The following ATP10B variants were observed in gnomAD, a reference collection of about 807,000 sequenced individuals.
The protein encoded by ATP10B is phospholipid-transporting ATPase VB.
In ATP10B, 122 loss-of-function variants were observed where a neutral mutation model predicts 141.2. The observed-to-expected ratio is 0.86, with a 90% CI of 0.75 to 1.00. ATP10B has a LOEUF of 1.00. Ranked by LOEUF, ATP10B falls within the 50% of genes least tolerant of loss-of-function variation. The pLI is 0.00. For synonymous variants in ATP10B, 685 were observed against 692.0 expected, an observed-to-expected ratio of 0.99 and a Z score of 0.16; for missense variants, 1,876 against 1,825.3, an observed-to-expected ratio of 1.03 and a Z score of -0.51.
At chr5:160,663,612 G>A (rs1762110192) in intron 7 of ATP10B, among the ~76,000 whole-genome samples, 1 of 152,132 alleles carries the variant, frequency 6.6e-6, no homozygotes, top group Non-Finnish European at 1.5e-5. Context: ...ACACAGGAAG[G>A]GGAACATCAC....
At chr5:160,841,073 T>C (rs1775781652) in intron 1 of ATP10B, among the ~76,000 whole-genome samples, 1 of 152,184 alleles carries the variant, frequency 6.6e-6, no homozygotes, top group Admixed American at 6.6e-5. Context: ...GTCTTTCATC[T>C]CAGCAGCCCA....
chr5:160,706,774 A>T (rs1193003555), intron 3 of ATP10B, among the ~76,000 whole-genome samples: 4 of 152,198 alleles, frequency 2.6e-5, no homozygotes, highest in African/African-American at 9.7e-5. Context: ...AATGAACTAA[A>T]CAACAGACTA....
In ATP10B at chr5:160,652,922, ATATAT is replaced by A. The variant is rs1449203799; in HGVS notation, c.676-3671_676-3667del. 1.7e-4 allele frequency among the ~76,000 whole-genome samples: 14 copies of A among 80,952 alleles called. No homozygotes were observed. The East Asian group carries it at 3.7e-3, about 21-fold the overall frequency. The allele number at this position is 80,952 out of a possible 152,430, so 53.1% of individuals were successfully genotyped here. A position where few individuals can be genotyped will look rare whatever the true frequency, so the allele number is the denominator to read the frequency against. On this transcript the variant is annotated intron_variant, in intron 7 of 25. Coordinates refer to ENST00000327245, the MANE Select transcript of ATP10B (RefSeq NM_025153.3). Reference sequence around the variant, plus strand: ...TATATTATATATACATGTATATATAATATATTATATATACATGTATATATAATATA... The same window carrying A: ...TATATTATATATACATGTATATATAATATATATACATGTATATATAATATA...
intron 3 of ATP10B, among the ~76,000 whole-genome samples, chr5:160,702,482 C>CA (rs1269443360): frequency 6.6e-6 from 1 of 152,210 alleles, no homozygotes; most frequent in Non-Finnish European, 1.5e-5. Flanking sequence ...ATGTAATTAA[C>CA]AATGTGTATG....
At chr5:160,768,786 T>C (rs1769669680) in intron 2 of ATP10B, among the ~76,000 whole-genome samples, 1 of 152,196 alleles carries the variant, frequency 6.6e-6, no homozygotes, top group Admixed American at 6.5e-5. Flanking sequence ...AGGAAGCTGA[T>C]GGGCATCAGG....
At chr5:160,826,169 ATACTCAGTAATGG>A (rs775902343) in intron 1 of ATP10B, among the ~76,000 whole-genome samples, 27 of 152,220 alleles carry the variant, frequency 1.8e-4, no homozygotes, top group Non-Finnish European at 3.4e-4. Context: ...CTTTGGGTAT[ATACTCAGTAATGG>A]TATTCCTGAG....
intron 1 of ATP10B, among the ~76,000 whole-genome samples, chr5:160,817,840 T>A (rs1198311114): frequency 6.6e-6 from 1 of 152,068 alleles, no homozygotes; most frequent in African/African-American, 2.4e-5. Flanking sequence ...TCAGAAATAA[T>A]GCCGCATATC....
At chr5:160,647,388 C>T (rs142553594) in intron 8 of ATP10B, among the ~76,000 whole-genome samples, 77 of 152,234 alleles carry the variant, frequency 5.1e-4, no homozygotes, top group Non-Finnish European at 9.0e-4. Context: ...TTAGCTACTC[C>T]GCAGTCCAAC....
intron 2 of ATP10B, among the ~76,000 whole-genome samples, chr5:160,760,874 A>G (rs1191336577): frequency 6.6e-6 from 1 of 150,792 alleles, no homozygotes; most frequent in Non-Finnish European, 1.5e-5. Context: ...GCCCTGCCCA[A>G]GGAGAGTCTG....
At chr5:160,863,729 T>A in the ATP10B span, among the ~76,000 whole-genome samples, 1 of 151,846 alleles carries the variant, frequency 6.6e-6, no homozygotes, top group African/African-American at 2.4e-5. Context: ...AGAGAGAAGA[T>A]CTGAATAAGC....
rs571435566 is a variant in ATP10B at position 160,598,757 on chromosome 5, C to G, written c.3564+13G>C. The G allele has an allele frequency of 1.9e-6, 3 of 1,613,448 alleles. No homozygotes were observed. The highest frequency in any genetic ancestry group is 2.7e-5 in the African/African-American group (2 of 74,990). The stretch of plus-strand genomic sequence containing the variant: ...GCTGAAGTCACCTCCCTTTGGCTGC[C>G]CGATCTCCTTACCTCAGAGTTCTGG... On this transcript the variant is annotated intron_variant, in intron 22 of 25. Coordinates refer to ENST00000327245, the MANE Select transcript of ATP10B (RefSeq NM_025153.3).
rs1296710515 is a variant in ATP10B, at chr5:160,800,127, C to T, written c.-575-14324G>A. Among the ~76,000 whole-genome samples the T allele has an allele frequency of 2.6e-5, 4 of 152,148 alleles. No homozygotes were observed. In the East Asian group the frequency reaches 7.7e-4, roughly 29 times the overall value. ...GCTGTCATTTATTGAGTGTCATAATCTTGGCTGGTACTTCATATACATTAT... is the reference window on the plus strand; with the variant it reads ...GCTGTCATTTATTGAGTGTCATAATTTTGGCTGGTACTTCATATACATTAT... On this transcript the variant is annotated intron_variant, in intron 1 of 25. Transcript: ENST00000327245.
chr5:160,803,752 G>T (rs769223630), intron 1 of ATP10B, among the ~76,000 whole-genome samples: 2 of 152,164 alleles, frequency 1.3e-5, no homozygotes, highest in African/African-American at 2.4e-5. Flanking sequence ...ATTTAAACCT[G>T]GTGGTCCTAC....
At chr5:160,887,244 A>G in the ATP10B span, among the ~76,000 whole-genome samples, 2 of 152,222 alleles carry the variant, frequency 1.3e-5, no homozygotes, top group Non-Finnish European at 2.9e-5. Context: ...ATTTGTGTAT[A>G]ACCAATGTAT....
the ATP10B span, among the ~76,000 whole-genome samples, chr5:160,923,435 C>T: frequency 7.2e-5 from 11 of 152,248 alleles, no homozygotes; most frequent in South Asian, 1.5e-3. Context: ...ATTTACCTCA[C>T]GAGGTTGGAG....
At chr5:160,677,624 T>G (rs1763113602) in intron 6 of ATP10B, among the ~76,000 whole-genome samples, 1 of 152,226 alleles carries the variant, frequency 6.6e-6, no homozygotes, top group East Asian at 1.9e-4. Flanking sequence ...GTTAAGCTCG[T>G]GATGACTTCT....
intron 1 of ATP10B, among the ~76,000 whole-genome samples, chr5:160,791,577 C>T (rs373922338): frequency 1.3e-5 from 2 of 152,250 alleles, no homozygotes; most frequent in East Asian, 3.9e-4. Context: ...GCTGTTACTT[C>T]CAGGGTTAGT....
chr5:160,813,524 G>A (rs530827695), intron 1 of ATP10B, among the ~76,000 whole-genome samples: 2 of 152,180 alleles, frequency 1.3e-5, no homozygotes, highest in African/African-American at 4.8e-5. Context: ...GCTCAAGGAG[G>A]CCTGCCTGCC....
chr5:160,785,451 T>C, intron 2 of ATP10B, 108 bp downstream of exon 2: 2 of 328,408 alleles, frequency 6.1e-6, no homozygotes, highest in Non-Finnish European at 1.2e-5. Context: ...TTTGTTTTTT[T>C]AATTTAGACT....
Sources: allele counts gnomAD v4.1 joint callset (sites outside exome capture counted in the v4.1 genomes callset), GRCh38; gene constraint gnomAD v4.1.1; transcripts MANE v1.5; gene names NCBI Gene and HGNC (gene_info 2026-07-23, HGNC 2026-07-21).